Variants in ZFP64 observed in about 807,000 individuals in gnomAD.
ZFP64 encodes ZFP64 zinc finger protein.
A neutral mutation model predicts 51.6 loss-of-function variants in ZFP64; 14 were observed. The ratio of observed to expected loss-of-function variants is 0.27; its 90% confidence interval spans 0.18 to 0.42. ZFP64 has a LOEUF of 0.42. Among genes scored for constraint, ZFP64 ranks in the 10% least tolerant of loss-of-function variants. ZFP64 has a pLI of 1.00. For synonymous variants in ZFP64, 375 were observed against 361.4 expected, an observed-to-expected ratio of 1.04 and a Z score of -0.43; for missense variants, 754 against 906.8, an observed-to-expected ratio of 0.83 and a Z score of 2.16.
At chr20:52,088,048 A>G (rs1242686364) in intron 8 of ZFP64, among the ~76,000 whole-genome samples, 2 of 152,246 alleles carry the variant, frequency 1.3e-5, no homozygotes, top group African/African-American at 2.4e-5. Context: ...GGATCCTGCT[A>G]CATTCCAAAT....
chr20:52,161,337 G>A (rs541405346), intron 4 of ZFP64, among the ~76,000 whole-genome samples: 5 of 152,090 alleles, frequency 3.3e-5, no homozygotes, highest in African/African-American at 1.2e-4. Context: ...AAAAATTCCT[G>A]GCTAACATCA....
chr20:52,101,453 T>C (rs2079049639), intron 5 of ZFP64, among the ~76,000 whole-genome samples: 1 of 152,172 alleles, frequency 6.6e-6, no homozygotes, highest in Non-Finnish European at 1.5e-5. Context: ...CACTGCAAAC[T>C]CCGCCTTCCA....
chr20:52,162,409 G>A (rs578245968), intron 4 of ZFP64, among the ~76,000 whole-genome samples: 1 of 151,958 alleles, frequency 6.6e-6, no homozygotes, highest in Admixed American at 6.6e-5. Flanking sequence ...GGCGGATCAT[G>A]AGGTCAGGAG....
chr20:52,138,633 C>A (rs747235706), intron 5 of ZFP64, among the ~76,000 whole-genome samples: 1 of 145,128 alleles, frequency 6.9e-6, no homozygotes, highest in Admixed American at 7.1e-5. Context: ...ATGCATCAAA[C>A]AACATATGGC....
chr20:52,109,780 C>CAAAAAAAAAAAAAAAA (rs779914417), intron 5 of ZFP64, among the ~76,000 whole-genome samples: 1 of 46,120 alleles, frequency 2.2e-5, no homozygotes, highest in Non-Finnish European at 4.5e-5. Flanking sequence ...AATTCCACCT[C>CAAAAAAAAAAAAAAAA]AAAAAAAAAA....
chr20:52,161,450 CTT>C (rs11469696), intron 4 of ZFP64, among the ~76,000 whole-genome samples: 18,786 of 115,030 alleles, frequency 0.16, 1,053 homozygotes, highest in Admixed American at 0.23. Flanking sequence ...TGATTGCTTT[CTT>C]TTTTTTTTTT....
intron 5 of ZFP64, among the ~76,000 whole-genome samples, chr20:52,112,098 A>C (rs1359659269): frequency 7.2e-6 from 1 of 138,482 alleles, no homozygotes; most frequent in African/African-American, 2.6e-5. Flanking sequence ...AAAAAAAAAA[A>C]AACAAAAAAA....
At chr20:52,145,285 G>T (rs932653857) in intron 5 of ZFP64, among the ~76,000 whole-genome samples, 3 of 152,240 alleles carry the variant, frequency 2.0e-5, no homozygotes, top group Non-Finnish European at 2.9e-5. Context: ...TACAGCACGT[G>T]AATGTGCTGA....
intron 5 of ZFP64, among the ~76,000 whole-genome samples, chr20:52,142,377 G>GACACACACACACACACGCGCGC (rs749072185): frequency 0.15 from 17,534 of 118,258 alleles, 1,462 homozygotes; most frequent in Admixed American, 0.23. Flanking sequence ...CACACACACA[G>GACACACACACACACACGCGCGC]ACACACACAC....
intron 5 of ZFP64, among the ~76,000 whole-genome samples, chr20:52,136,284 A>G (rs1979978658): frequency 6.6e-6 from 1 of 152,044 alleles, no homozygotes; most frequent in Non-Finnish European, 1.5e-5. Flanking sequence ...TACTGAACCA[A>G]TGCATGGAGC....
rs146264045 is a variant in ZFP64 at position 52,187,056 on chromosome 20, G to T, written c.62C>A (p.Thr21Lys). 1.9e-6 allele frequency: 3 copies of T among 1,607,996 alleles called. No individual in the cohort carries two copies. The African/African-American group carries it at 4.0e-5, about 21-fold the overall frequency. ...GTCGGGAGTCAGCTCCACCAGCACC[G>T]TTGTGCCACCTGGAACTCCATGGGA... ...AGSVQIPGGT[T>K]VLVELTPDIH... is the part of the protein sequence containing the mutation. The change falls in exon 2 of 6, where the codon ACG (threonine) becomes AAG (lysine). Residue 21 changes from threonine (T) to lysine (K), a missense_variant. Around this residue, in one of 3 missense-constraint regions of ZFP64, gnomAD observed 95 missense variants for 97.7 expected, o/e 0.97. Coordinates refer to ENST00000216923, the MANE Select transcript of ZFP64 (RefSeq NM_018197.3).
At position 52,152,665 on chromosome 20, in the gene ZFP64, G is replaced by T; in HGVS notation, c.1527C>A (p.Asn509Lys). 1 of 1,539,878 alleles carries T rather than the reference G, an allele frequency of 6.5e-7. No homozygotes were observed. The change falls in exon 6 of 6, where the codon AAC becomes AAA. Residue 509 changes from asparagine to lysine, a missense_variant. Around this residue, in one of 3 missense-constraint regions of ZFP64, gnomAD observed 428 missense variants for 472.4 expected, o/e 0.91. Coordinates refer to ENST00000216923, the MANE Select transcript of ZFP64 (RefSeq NM_018197.3). ...CAGCGGCGGCAGCCTGGACGATGGT[G>T]TTCGCCTGGGGCACCTGATGCCCAA... The part of the protein sequence containing the change: ...IIVGHQVPQA[N>K]TIVQAAAAAV...
In ZFP64 at chr20:52,152,056, G is replaced by T. The variant is rs1004376195; in HGVS notation, c.*90C>A. 2 of 1,490,838 alleles carry T rather than the reference G, an allele frequency of 1.3e-6. No homozygotes were observed. Among genetic ancestry groups the T allele is most frequent in the Middle Eastern group, 2.2e-4 (1 of 4,514 alleles). 92.4% of individuals were successfully genotyped at this position (1,490,838 alleles called of 1,614,324 possible). On this transcript the variant is annotated 3_prime_UTR_variant, in exon 6 of 6. Coordinates refer to ENST00000216923, the MANE Select transcript of ZFP64 (RefSeq NM_018197.3). Reference sequence around the variant, plus strand: ...CGTCTCAAAAACAAAACAAAACAAAGAAAACATTAAGAGCAAACCTTTTAG... The same window carrying T: ...CGTCTCAAAAACAAAACAAAACAAATAAAACATTAAGAGCAAACCTTTTAG...
intron 5 of ZFP64, among the ~76,000 whole-genome samples, chr20:52,142,819 G>A (rs1206997205): frequency 1.9e-5 from 2 of 105,574 alleles, no homozygotes; most frequent in African/African-American, 3.4e-5. Context: ...CACCCTGGGC[G>A]ACAGAGTGAG....
chr20:52,109,553 T>A (rs1600715684), intron 5 of ZFP64, among the ~76,000 whole-genome samples: 1 of 151,938 alleles, frequency 6.6e-6, no homozygotes. Context: ...CCAAGGCAGG[T>A]GGATCACCTG....
At chr20:52,161,024 A>C (rs997913259) in intron 4 of ZFP64, among the ~76,000 whole-genome samples, 3 of 152,188 alleles carry the variant, frequency 2.0e-5, no homozygotes, top group Non-Finnish European at 4.4e-5. Context: ...GTGAGTGAGC[A>C]GCTGAGGGTG....
intron 3 of ZFP64, chr20:52,165,386 T>C (rs1982170185): frequency 1.1e-5 from 5 of 453,940 alleles, no homozygotes; most frequent in South Asian, 6.3e-5. Context: ...GGGAAAACTA[T>C]ACTTGTATAT....
chr20:52,121,040 G>C (rs1316067807), intron 5 of ZFP64, among the ~76,000 whole-genome samples: 1 of 152,136 alleles, frequency 6.6e-6, no homozygotes, highest in African/African-American at 2.4e-5. Context: ...CTGTGCCCAT[G>C]TAAGACGGGA....
intron 2 of ZFP64, among the ~76,000 whole-genome samples, chr20:52,174,414 CG>C (rs1324020947): frequency 1.5e-5 from 2 of 136,040 alleles, no homozygotes; most frequent in African/African-American, 5.5e-5. Context: ...ACCCGGGAGG[CG>C]GAGGTTGCAG....
Sources: gnomAD v4.1 joint callset for allele counts (sites outside exome capture counted in the v4.1 genomes callset) on GRCh38, gnomAD v4.1.1 for gene constraint, gnomAD v4.1.1 regional missense constraint, MANE v1.5 for transcripts, NCBI Gene and HGNC (gene_info 2026-07-23, HGNC 2026-07-21) for gene names.